Variants in SLC66A3 observed in about 807,000 individuals in gnomAD.
SLC66A3 encodes PQ loop repeat containing 3.
A neutral mutation model predicts 25.5 loss-of-function variants in SLC66A3; 23 were observed. That is an observed-to-expected ratio of 0.90 (90% CI 0.65 to 1.28). The LOEUF (loss-of-function observed/expected upper bound fraction) is 1.28. Among genes scored for constraint, SLC66A3 ranks in the 50% most tolerant of loss-of-function variants. SLC66A3 has a pLI of 0.00. For synonymous variants in SLC66A3, 108 were observed against 112.6 expected (o/e 0.96, Z 0.26); for missense variants, 246 against 262.1 (o/e 0.94, Z 0.42).
In SLC66A3 at chr2:11,155,614, C is replaced by G. The variant is rs901906217; in HGVS notation, c.68C>G (p.Pro23Arg). The change falls in exon 1 of 7, where the codon CCG becomes CGG. Residue 23 changes from proline (P) to arginine (R), a missense_variant. Physicochemically the swap from Pro to Arg is moderately radical, Grantham distance 103. This residue lies in a region of SLC66A3 where 142 missense variants were observed against 130.3 expected (regional missense o/e 1.09). Transcript: ENST00000295083. Reference protein sequence around the residue: ...TLGVCAALKLPQISAVLAARS... With the variant: ...TLGVCAALKLRQISAVLAARS... ...GGCGTGTGCGCCGCGCTGAAGCTGCCGCAGATCTCCGCTGTGCTAGCGGCG... is the reference window on the plus strand; with the variant it reads ...GGCGTGTGCGCCGCGCTGAAGCTGCGGCAGATCTCCGCTGTGCTAGCGGCG... 7.9e-6 allele frequency: 12 copies of G among 1,526,502 alleles called. No individual in the cohort carries two copies. Among genetic ancestry groups the G allele is most frequent in the Middle Eastern group, 1.9e-4 (1 of 5,164 alleles). The allele number at this position is 1,526,502 out of a possible 1,614,324, so 94.6% of individuals were successfully genotyped here.
rs1158242568 is a variant in SLC66A3, at chr2:11,155,501, G to A, written c.-46G>A. 6.9e-7 allele frequency: 1 copy of A among 1,455,580 alleles called. No individual in the cohort carries two copies. The highest frequency in any genetic ancestry group is 9.0e-7 in the Non-Finnish European group (1 of 1,112,796). The allele number at this position is 1,455,580 out of a possible 1,614,324, so 90.2% of individuals were successfully genotyped here. Reference sequence around the variant, plus strand: ...CAGAGCTGCGCCGCCGAGGCTGAGCGGTCCCTTCTCGCTGCGGCCGCCCAG... The same window carrying A: ...CAGAGCTGCGCCGCCGAGGCTGAGCAGTCCCTTCTCGCTGCGGCCGCCCAG... On this transcript the variant is annotated 5_prime_UTR_variant, in exon 1 of 7. Coordinates refer to ENST00000295083, the MANE Select transcript of SLC66A3 (RefSeq NM_152391.5).
rs1291747834 is a variant in SLC66A3, at chr2:11,178,388, A to G, written c.*560A>G. Reference sequence around the variant, plus strand: ...AGCAAGGATACCAAGGCAAGCATACATGTAGCTGGCTTGAGTTTGTACCAA... The same window carrying G: ...AGCAAGGATACCAAGGCAAGCATACGTGTAGCTGGCTTGAGTTTGTACCAA... On this transcript the variant is annotated 3_prime_UTR_variant, in exon 7 of 7. Transcript: ENST00000295083. 6.5e-6 allele frequency: 1 copy of G among 152,776 alleles called. No homozygotes were observed. The highest frequency in any genetic ancestry group is 2.4e-5 in the African/African-American group (1 of 41,466). The allele number at this position is 152,776 out of a possible 1,614,324, so 9.5% of individuals were successfully genotyped here.
intron 3 of SLC66A3, among the ~76,000 whole-genome samples, chr2:11,162,834 C>T (rs1260388892): frequency 6.6e-6 from 1 of 152,080 alleles, no homozygotes; most frequent in South Asian, 2.1e-4. Context: ...TTTCGATCTC[C>T]TGACCTCGTG....
chr2:11,159,512 G>A (rs751462259), intron 1 of SLC66A3, among the ~76,000 whole-genome samples: 6 of 152,148 alleles, frequency 3.9e-5, no homozygotes, highest in African/African-American at 7.2e-5. Flanking sequence ...CTCTGACTCC[G>A]CCCCCAGCTA....
At chr2:11,170,597 T>TC (rs1441512449) in intron 4 of SLC66A3, among the ~76,000 whole-genome samples, 10 of 151,676 alleles carry the variant, frequency 6.6e-5, no homozygotes, top group Non-Finnish European at 1.3e-4. Context: ...CAGTACTTTT[T>TC]TTTTTTTTTG....
rs140598852 is a variant in SLC66A3 at position 11,160,482 on chromosome 2, C to T, written c.160C>T (p.Arg54Trp). 64 of 1,614,100 alleles carry T rather than the reference C, an allele frequency of 4.0e-5. No individual in the cohort carries two copies. The African/African-American group carries it at 6.4e-4, about 16-fold the overall frequency. Residue 54 changes from arginine to tryptophan, a missense_variant, in exon 2 of 7, where the codon CGG becomes TGG. By Grantham distance (101) the Arg-to-Trp change is moderately radical. Transcript: ENST00000295083. The stretch of plus-strand genomic sequence containing the variant: ...TCTCTCCAGATTCCTGGTGTTTCTG[C>T]GGTACCAGTGTTACTATGGGTATCC... ...LELAGFLVFLRYQCYYGYPPL... is the reference protein window; with the variant it reads ...LELAGFLVFLWYQCYYGYPPL...
chr2:11,176,824 G>A (rs1260211832), intron 6 of SLC66A3, among the ~76,000 whole-genome samples: 7 of 152,112 alleles, frequency 4.6e-5, no homozygotes, highest in African/African-American at 1.4e-4. Flanking sequence ...CACCGCGCCC[G>A]GCCAGGGAAT....
At chr2:11,176,567 C>T (rs1296777822) in intron 6 of SLC66A3, among the ~76,000 whole-genome samples, 3 of 94,522 alleles carry the variant, frequency 3.2e-5, no homozygotes, top group South Asian at 4.2e-4. Flanking sequence ...CTCGCTCTGT[C>T]GCCCAGGCTG....
At chr2:11,167,368 G>A (rs917258240) in intron 4 of SLC66A3, among the ~76,000 whole-genome samples, 2 of 151,834 alleles carry the variant, frequency 1.3e-5, no homozygotes, top group East Asian at 1.9e-4. Context: ...GCTTGAACCC[G>A]GGAGGCGGAG....
chr2:11,169,014 C>T (rs6753902), intron 4 of SLC66A3, among the ~76,000 whole-genome samples: 8 of 152,194 alleles, frequency 5.3e-5, no homozygotes, highest in African/African-American at 7.2e-5. Context: ...CACGCCACCA[C>T]GCCTGGCTAA....
Position 11,172,965 on chromosome 2 carries a change from C to T in SLC66A3, c.475+920C>T, listed in dbSNP as rs192123018. On this transcript the variant is annotated intron_variant, in intron 5 of 6. Coordinates refer to ENST00000295083, the MANE Select transcript of SLC66A3 (RefSeq NM_152391.5). ...GCAACCTCTGCCTCCAAGGTTCAAG[C>T]GATTCTCCTGCCTCAGCTTCCTGAG... 1,364 of 160,792 alleles carry T rather than the reference C, an allele frequency of 8.5e-3. 16 individuals are homozygous for T. Among genetic ancestry groups the T allele is most frequent in the African/African-American group, 0.031 (1,280 of 41,602 alleles). 10.0% of individuals were successfully genotyped at this position (160,792 alleles called of 1,614,324 possible).
chr2:11,165,563 C>T lies in SLC66A3; in HGVS notation c.354+1302C>T, dbSNP rs542140989. Among the ~76,000 whole-genome samples, 758 of 152,134 alleles carry T rather than the reference C, an allele frequency of 5.0e-3. 5 individuals are homozygous for T. The highest frequency in any genetic ancestry group is 7.3e-3 in the Non-Finnish European group (496 of 67,978). On this transcript the variant is annotated intron_variant, in intron 4 of 6. Coordinates refer to ENST00000295083, the MANE Select transcript of SLC66A3 (RefSeq NM_152391.5). ...AGCCGGGCAGAGGGGCTCCTCACAT[C>T]CCAGACGATGGGCGGCCAGGCAGAG...
intron 1 of SLC66A3, among the ~76,000 whole-genome samples, chr2:11,158,445 G>C (rs917973058): frequency 1.3e-5 from 2 of 152,198 alleles, no homozygotes; most frequent in African/African-American, 4.8e-5. Context: ...GGCGGATCAC[G>C]AGGTCAGGAG....
chr2:11,158,999 G>A (rs1662016007), intron 1 of SLC66A3, among the ~76,000 whole-genome samples: 2 of 152,178 alleles, frequency 1.3e-5, no homozygotes, highest in Non-Finnish European at 2.9e-5. Context: ...CATCTTGTAT[G>A]TTCTTGGTGT....
intron 1 of SLC66A3, among the ~76,000 whole-genome samples, chr2:11,155,926 A>G (rs1661882492): frequency 6.6e-6 from 1 of 152,208 alleles, no homozygotes; most frequent in African/African-American, 2.4e-5. Flanking sequence ...TTGATTGCGC[A>G]CGCCCATTTT....
At chr2:11,158,675 T>A (rs1661996046) in intron 1 of SLC66A3, among the ~76,000 whole-genome samples, 1 of 148,456 alleles carries the variant, frequency 6.7e-6, no homozygotes, top group South Asian at 2.1e-4. Flanking sequence ...AAAAAGAAAT[T>A]AGCCAGGTGT....
intron 1 of SLC66A3, chr2:11,160,162 A>C: frequency 4.5e-6 from 2 of 442,984 alleles, no homozygotes; most frequent in Non-Finnish European, 4.1e-6. Flanking sequence ...CCAGTCTCAT[A>C]TTCTTGCTCA....
chr2:11,175,049 G>A (rs748589984), intron 6 of SLC66A3, 40 bp downstream of exon 6: 3 of 1,481,114 alleles, frequency 2.0e-6, no homozygotes, highest in South Asian at 2.4e-5. Context: ...TGAGTTTTGT[G>A]CTATTTGTGT....
Position 11,160,638 on chromosome 2 carries a change from GCT to G in SLC66A3, c.243_244del (p.Cys82TyrfsTer5). ...TCTCTCTTTCAGATGTCATCCTCCT[GCT>G]CTGTATCTTTCATTTTAACGGGAAC... ...ILIAQDVILL[L>X]CIFHFNGNVK... is the part of the protein sequence containing the mutation. On this transcript the variant is annotated frameshift_variant, in exon 3 of 7. Transcript: ENST00000295083. LOFTEE classifies it high-confidence loss of function. The G allele has an allele frequency of 6.2e-7, 1 of 1,614,000 alleles. No individual in the cohort carries two copies. Among genetic ancestry groups the G allele is most frequent in the Non-Finnish European group, 8.5e-7 (1 of 1,180,006 alleles).
Sources: gnomAD v4.1 joint callset for allele counts (sites outside exome capture counted in the v4.1 genomes callset) on GRCh38, gnomAD v4.1.1 for gene constraint, gnomAD v4.1.1 regional missense constraint, MANE v1.5 for transcripts, NCBI Gene and HGNC (gene_info 2026-07-23, HGNC 2026-07-21) for gene names.